The following L3MBTL3 variants were observed in gnomAD, a reference collection of about 807,000 sequenced individuals.
L3MBTL3 encodes lethal(3)malignant brain tumor-like protein 3.
Under a neutral mutation model 102.3 loss-of-function variants are expected in L3MBTL3, and 27 were observed. That is an observed-to-expected ratio of 0.26 (90% CI 0.19 to 0.36). L3MBTL3 has a LOEUF of 0.36. Among genes scored for constraint, L3MBTL3 ranks in the 10% least tolerant of loss-of-function variants. L3MBTL3 has a pLI of 1.00. For synonymous variants in L3MBTL3, 340 were observed against 320.9 expected (o/e 1.06, Z -0.64); for missense variants, 798 against 955.3 (o/e 0.84, Z 2.17).
At chr6:130,037,588 C>T (rs1780139894) in intron 2 of L3MBTL3, among the ~76,000 whole-genome samples, 1 of 152,002 alleles carries the variant, frequency 6.6e-6, no homozygotes, top group Non-Finnish European at 1.5e-5. Flanking sequence ...CATCCTGGGT[C>T]CTGTTTTGAG....
At chr6:130,122,094 TA>T (rs1786259244) in intron 20 of L3MBTL3, among the ~76,000 whole-genome samples, 1 of 152,230 alleles carries the variant, frequency 6.6e-6, no homozygotes, top group Non-Finnish European at 1.5e-5. Context: ...ATGGTATTTA[TA>T]AATCAAATAT....
Position 130,094,378 on chromosome 6 carries a change from G to T in L3MBTL3, c.1736+11G>T. On this transcript the variant is annotated intron_variant, in intron 18 of 22. Transcript: ENST00000361794. Reference sequence around the variant, plus strand: ...TCTGGGCCCTCACAGGTATGTGGTAGCTGTCACTCACTTGGTCAGATATAG... The same window carrying T: ...TCTGGGCCCTCACAGGTATGTGGTATCTGTCACTCACTTGGTCAGATATAG... 6.3e-7 allele frequency: 1 copy of T among 1,593,780 alleles called. No individual in the cohort carries two copies. The highest frequency in any genetic ancestry group is 8.6e-7 in the Non-Finnish European group (1 of 1,162,200).
chr6:130,099,575 T>A (rs563019168), intron 18 of L3MBTL3, among the ~76,000 whole-genome samples: 2 of 152,336 alleles, frequency 1.3e-5, no homozygotes, highest in Admixed American at 1.3e-4. Context: ...ATATGTCACT[T>A]GTGTTCTTTG....
At chr6:130,086,316 GTAGA>G in intron 16 of L3MBTL3, 66 bp downstream of exon 16, 1 of 1,065,090 alleles carries the variant, frequency 9.4e-7, no homozygotes, top group Non-Finnish European at 1.4e-6. Context: ...AAAAACTTTG[GTAGA>G]TACTTAACTT....
chr6:130,067,538 CTTTGT>C, intron 11 of L3MBTL3, among the ~76,000 whole-genome samples: 1 of 152,274 alleles, frequency 6.6e-6, no homozygotes, highest in East Asian at 1.9e-4. Context: ...TTAGCCATCC[CTTTGT>C]TTTAAGTGAA....
chr6:130,029,644 C>T (rs1446649202), intron 2 of L3MBTL3, among the ~76,000 whole-genome samples: 1 of 152,184 alleles, frequency 6.6e-6, no homozygotes, highest in African/African-American at 2.4e-5. Flanking sequence ...GACTGCCCTG[C>T]TGCCCACCTT....
chr6:130,103,261 A>G (rs545282263), intron 18 of L3MBTL3, among the ~76,000 whole-genome samples: 4 of 152,322 alleles, frequency 2.6e-5, no homozygotes, highest in African/African-American at 9.6e-5. Flanking sequence ...ACATGATCAG[A>G]TGTTATTTGC....
At chr6:130,135,168 C>T (rs1787506543) in intron 22 of L3MBTL3, among the ~76,000 whole-genome samples, 1 of 149,830 alleles carries the variant, frequency 6.7e-6, no homozygotes. Context: ...AGAGGCGATT[C>T]TCCTGCCTCA....
chr6:130,037,254 A>G (rs948294600), intron 2 of L3MBTL3, among the ~76,000 whole-genome samples: 7 of 152,164 alleles, frequency 4.6e-5, no homozygotes, highest in South Asian at 2.1e-4. Context: ...TTTATACTAT[A>G]AGATAATTTC....
chr6:130,061,256 TATATTTTTAGTAGAGATGAGGTTTCGCC>T lies in L3MBTL3; in HGVS notation c.864+1119_864+1146del, dbSNP rs1199286822. Among the ~76,000 whole-genome samples, 5 of 152,236 alleles carry T rather than the reference TATATTTTTAGTAGAGATGAGGTTTCGCC, an allele frequency of 3.3e-5. No homozygotes were observed. The South Asian group carries it at 1.0e-3, about 32-fold the overall frequency. Reference sequence around the variant, plus strand: ...CGTGCCACCTTGCCTGGCTAGTTTTTATATTTTTAGTAGAGATGAGGTTTCGCCATGTTGGCCAGGCTGGTCTCGAACT... The same window carrying T: ...CGTGCCACCTTGCCTGGCTAGTTTTTATGTTGGCCAGGCTGGTCTCGAACT... On this transcript the variant is annotated intron_variant, in intron 10 of 22. Coordinates refer to ENST00000361794, the MANE Select transcript of L3MBTL3 (RefSeq NM_032438.4).
chr6:130,052,592 T>G (rs1029142592), intron 6 of L3MBTL3, among the ~76,000 whole-genome samples: 1 of 152,264 alleles, frequency 6.6e-6, no homozygotes, highest in African/African-American at 2.4e-5. Context: ...TGTTAGAACC[T>G]ATTTCATACA....
At chr6:130,066,811 TTTAAA>T (rs1782291299) in intron 11 of L3MBTL3, among the ~76,000 whole-genome samples, 1 of 152,170 alleles carries the variant, frequency 6.6e-6, no homozygotes, top group South Asian at 2.1e-4. Flanking sequence ...GAAAAATTAG[TTTAAA>T]TTAGTTTATA....
intron 15 of L3MBTL3, among the ~76,000 whole-genome samples, chr6:130,084,562 A>T (rs12529550): frequency 0.026 from 3,978 of 152,308 alleles, 175 homozygotes; most frequent in Admixed American, 0.11. Flanking sequence ...ATTTCATCTG[A>T]TAGTAAGTTG....
chr6:130,057,574 C>T, intron 9 of L3MBTL3, 77 bp downstream of exon 9: 1 of 1,193,464 alleles, frequency 8.4e-7, no homozygotes, highest in African/African-American at 1.5e-5. Context: ...TTGTTGTTTC[C>T]ACTGAAATTT....
intron 16 of L3MBTL3, among the ~76,000 whole-genome samples, chr6:130,090,443 C>T (rs1172377107): frequency 6.6e-6 from 1 of 152,134 alleles, no homozygotes; most frequent in Non-Finnish European, 1.5e-5. Flanking sequence ...TGAGAACACC[C>T]ATTTATTCTC....
intron 16 of L3MBTL3, 46 bp from the exon 17 acceptor site, chr6:130,092,699 A>G: frequency 1.6e-6 from 2 of 1,214,180 alleles, no homozygotes; most frequent in East Asian, 4.7e-5. Context: ...GACTGTAGGA[A>G]CTTTTATGAC....
intron 20 of L3MBTL3, among the ~76,000 whole-genome samples, chr6:130,131,163 A>G (rs1220601805): frequency 2.6e-5 from 4 of 152,222 alleles, no homozygotes; most frequent in African/African-American, 9.6e-5. Flanking sequence ...TCATTTCTTA[A>G]CCAAATTTAT....
chr6:130,033,225 A>G (rs1779840089), intron 2 of L3MBTL3, among the ~76,000 whole-genome samples: 1 of 152,110 alleles, frequency 6.6e-6, no homozygotes, highest in South Asian at 2.1e-4. Context: ...GGGAGGCTCA[A>G]AGCAGTTTTA....
At chr6:130,060,388 G>A (rs1407652645) in intron 10 of L3MBTL3, among the ~76,000 whole-genome samples, 3 of 152,144 alleles carry the variant, frequency 2.0e-5, no homozygotes, top group African/African-American at 7.2e-5. Flanking sequence ...GCTTCAAAGT[G>A]GTAGAACCCG....
Sources: allele counts gnomAD v4.1 joint callset (sites outside exome capture counted in the v4.1 genomes callset), GRCh38; gene constraint gnomAD v4.1.1; transcripts MANE v1.5; gene names NCBI Gene and HGNC (gene_info 2026-07-23, HGNC 2026-07-21).